Variants in WDR25 observed in about 807,000 individuals in gnomAD.
WDR25 encodes WD repeat-containing protein 25.
A neutral mutation model predicts 47.7 loss-of-function variants in WDR25; 35 were observed. That is an observed-to-expected ratio of 0.73 (90% confidence interval 0.56 to 0.97). The LOEUF (loss-of-function observed/expected upper bound fraction) is 0.97, where lower values mean the gene tolerates loss of function less well. Ranked by LOEUF, WDR25 falls within the 50% of genes least tolerant of loss-of-function variation. The pLI, the probability that WDR25 is intolerant of heterozygous loss-of-function variation, is 0.00. For synonymous variants in WDR25, 248 were observed against 278.9 expected (o/e 0.89, Z 1.10); for missense variants, 634 against 704.7 (o/e 0.90, Z 1.14).
intron 2 of WDR25, among the ~76,000 whole-genome samples, chr14:100,414,313 CTT>C (rs1202018412): frequency 2.4e-4 from 25 of 102,834 alleles, no homozygotes; most frequent in African/African-American, 1.5e-4. Flanking sequence ...AGAGGTAGTT[CTT>C]TTTTTTTTTT....
At chr14:100,382,188 A>C in intron 2 of WDR25, 1 of 702,910 alleles carries the variant, frequency 1.4e-6, no homozygotes. Flanking sequence ...GGGCTTGCAC[A>C]GTGAGGCGGG....
At chr14:100,503,070 T>TGTGTGTGC (rs1900991142) in intron 4 of WDR25, among the ~76,000 whole-genome samples, 1 of 151,816 alleles carries the variant, frequency 6.6e-6, no homozygotes, top group South Asian at 2.1e-4. Flanking sequence ...TGTGTGTGTG[T>TGTGTGTGC]GTGTGTGCAT....
chr14:100,496,257 G>C (rs1367236669), intron 4 of WDR25, among the ~76,000 whole-genome samples: 1 of 152,114 alleles, frequency 6.6e-6, no homozygotes, highest in African/African-American at 2.4e-5. Context: ...TCAAAGAATT[G>C]GTTCATTTTA....
chr14:100,497,346 G>A (rs892563628), intron 4 of WDR25, among the ~76,000 whole-genome samples: 4 of 152,068 alleles, frequency 2.6e-5, no homozygotes, highest in Non-Finnish European at 5.9e-5. Flanking sequence ...AGCTATAGTT[G>A]TGAATTTGTG....
intron 2 of WDR25, among the ~76,000 whole-genome samples, chr14:100,448,994 C>T (rs1898932649): frequency 2.6e-5 from 4 of 152,074 alleles, no homozygotes; most frequent in South Asian, 2.1e-4. Context: ...GTTTGGGAAA[C>T]GCACCTAGAA....
At chr14:100,466,901 C>T (rs1239300202) in intron 2 of WDR25, among the ~76,000 whole-genome samples, 1 of 152,228 alleles carries the variant, frequency 6.6e-6, no homozygotes, top group Non-Finnish European at 1.5e-5. Context: ...TCCGGCAGTT[C>T]CCCTGGGCTG....
intron 2 of WDR25, among the ~76,000 whole-genome samples, chr14:100,460,205 T>C (rs867289533): frequency 4.0e-5 from 6 of 151,060 alleles, no homozygotes; most frequent in Non-Finnish European, 7.4e-5. Context: ...CTCCACCTCC[T>C]GGGTTCATGC....
At position 100,392,035 on chromosome 14, in the gene WDR25, G is replaced by A. The variant is rs1197177517; in HGVS notation, c.822+10289G>A. On this transcript the variant is annotated intron_variant, in intron 2 of 6. Transcript: ENST00000402312. The surrounding 1 kb of genome is among the most constrained non-coding windows in gnomAD (Gnocchi z 4.2). The stretch of plus-strand genomic sequence containing the variant: ...CAATGCCTTCTTACTAATTTTTCTT[G>A]GTCTTGGAAAATAGAGTTATTTTTA... Among the ~76,000 whole-genome samples the A allele has an allele frequency of 2.0e-5, 3 of 152,188 alleles. No homozygotes were observed. Among genetic ancestry groups the A allele is most frequent in the Non-Finnish European group, 4.4e-5 (3 of 68,018 alleles).
At chr14:100,522,146 A>G (rs1447441557) in intron 4 of WDR25, among the ~76,000 whole-genome samples, 1 of 152,106 alleles carries the variant, frequency 6.6e-6, no homozygotes, top group Non-Finnish European at 1.5e-5. Context: ...CTTTGCCTGT[A>G]ATAGAAGTTG....
intron 2 of WDR25, among the ~76,000 whole-genome samples, chr14:100,465,843 G>C (rs1899611638): frequency 6.6e-6 from 1 of 152,234 alleles, no homozygotes; most frequent in Non-Finnish European, 1.5e-5. Context: ...AAGGGTTCCA[G>C]TTTTTCCACA....
intron 2 of WDR25, among the ~76,000 whole-genome samples, chr14:100,461,238 A>G (rs942055739): frequency 1.3e-5 from 2 of 152,120 alleles, no homozygotes; most frequent in African/African-American, 4.8e-5. Flanking sequence ...AAAGAAAAGA[A>G]AATTCCACTC....
At chr14:100,380,787 C>A (rs1447834281) in intron 1 of WDR25, 123 bp from the exon 2 acceptor site, 8 of 948,974 alleles carry the variant, frequency 8.4e-6, no homozygotes, top group African/African-American at 1.7e-5. Context: ...AGCCACCACG[C>A]CTGGCCTGTG....
intron 3 of WDR25, among the ~76,000 whole-genome samples, chr14:100,480,662 C>T (rs1381863786): frequency 2.6e-5 from 4 of 152,178 alleles, no homozygotes; most frequent in African/African-American, 4.8e-5. Flanking sequence ...TGAATATCTT[C>T]ACCCTTAACC....
intron 2 of WDR25, among the ~76,000 whole-genome samples, chr14:100,391,381 C>T (rs762448087): frequency 9.2e-5 from 14 of 152,166 alleles, no homozygotes; most frequent in Non-Finnish European, 1.9e-4. Context: ...AGCAGCGCCG[C>T]GGTCCCCGGC....
intron 2 of WDR25, among the ~76,000 whole-genome samples, chr14:100,419,487 G>C (rs1314374989): frequency 6.6e-6 from 1 of 152,164 alleles, no homozygotes; most frequent in Non-Finnish European, 1.5e-5. Flanking sequence ...ATATAGTCCA[G>C]CATCTTTTCT....
intron 2 of WDR25, among the ~76,000 whole-genome samples, chr14:100,408,131 G>A (rs1021752900): frequency 2.6e-5 from 4 of 152,206 alleles, no homozygotes; most frequent in Non-Finnish European, 1.5e-5. Flanking sequence ...CTATAGGAAC[G>A]GGGAGCCATG....
At chr14:100,512,105 C>A (rs1901329914) in intron 4 of WDR25, among the ~76,000 whole-genome samples, 3 of 152,108 alleles carry the variant, frequency 2.0e-5, no homozygotes, top group Admixed American at 6.5e-5. Flanking sequence ...CAGGGTAATT[C>A]TGGCTTCATA....
At chr14:100,435,691 T>C (rs1488580080) in intron 2 of WDR25, among the ~76,000 whole-genome samples, 2 of 152,172 alleles carry the variant, frequency 1.3e-5, no homozygotes, top group South Asian at 2.1e-4. Flanking sequence ...ATTCATTCAG[T>C]ATGGCTGAGC....
intron 2 of WDR25, among the ~76,000 whole-genome samples, chr14:100,423,128 T>C (rs1359862195): frequency 2.0e-5 from 3 of 152,230 alleles, no homozygotes; most frequent in African/African-American, 7.2e-5. Flanking sequence ...GCTTTCTCTT[T>C]GTCTGGGAGC....
Sources: gnomAD v4.1 joint callset for allele counts (sites outside exome capture counted in the v4.1 genomes callset) on GRCh38, gnomAD v4.1.1 for gene constraint, Gnocchi (gnomAD v3.1) non-coding constraint, MANE v1.5 for transcripts, NCBI Gene and HGNC (gene_info 2026-07-23, HGNC 2026-07-21) for gene names.